The following MAPK10 variants were observed in gnomAD, a reference collection of about 807,000 sequenced individuals.
The protein encoded by MAPK10 is mitogen-activated protein kinase 10, also known as JNK3 alpha protein kinase.
In MAPK10, 25 loss-of-function variants were observed where a neutral mutation model predicts 59.3. The observed-to-expected ratio is 0.42, with a 90% CI of 0.31 to 0.59. The LOEUF (loss-of-function observed/expected upper bound fraction) is 0.59. Among genes scored for constraint, MAPK10 ranks in the 20% least tolerant of loss-of-function variants. The pLI is 0.15. For synonymous variants in MAPK10, 190 were observed against 200.5 expected (o/e 0.95, Z 0.44); for missense variants, 351 against 568.9 (o/e 0.62, Z 3.90).
chr4:86,444,648 T>C (rs2149049925), intron 1 of MAPK10, among the ~76,000 whole-genome samples: 1 of 151,600 alleles, frequency 6.6e-6, no homozygotes, highest in Non-Finnish European at 1.5e-5. Flanking sequence ...CAGAGTGGGA[T>C]AAATATTTTG....
chr4:86,571,825 T>C (rs1457816892), intron 1 of MAPK10, among the ~76,000 whole-genome samples: 1 of 152,154 alleles, frequency 6.6e-6, no homozygotes, highest in Non-Finnish European at 1.5e-5. Flanking sequence ...CTACATTATG[T>C]AACGAGCCCC....
At chr4:86,157,112 T>G (rs2068024798) in intron 4 of MAPK10, among the ~76,000 whole-genome samples, 1 of 152,082 alleles carries the variant, frequency 6.6e-6, no homozygotes, top group South Asian at 2.1e-4. Flanking sequence ...GAAGATATTT[T>G]AGTATTACCT....
chr4:86,016,024 A>G lies in MAPK10; in HGVS notation c.*1204T>C, dbSNP rs1442216330. On this transcript the variant is annotated 3_prime_UTR_variant, in exon 14 of 14. Coordinates refer to ENST00000641462, the MANE Select transcript of MAPK10 (RefSeq NM_138982.4). ...ACTTTGGCAGAGTATGAATCAGGGA[A>G]GCAGCCCACACATGGAAAACACAAT... is the stretch of plus-strand genomic sequence containing the variant. The G allele has an allele frequency of 6.6e-6, 1 of 152,242 alleles. No individual in the cohort carries two copies. Among genetic ancestry groups the G allele is most frequent in the African/African-American group, 2.4e-5 (1 of 41,460 alleles). 9.4% of individuals were successfully genotyped at this position (152,242 alleles called of 1,614,324 possible).
At chr4:86,317,916 G>A (rs1046574788) in intron 2 of MAPK10, among the ~76,000 whole-genome samples, 1 of 152,154 alleles carries the variant, frequency 6.6e-6, no homozygotes, top group African/African-American at 2.4e-5. Context: ...GAGGAGCCTC[G>A]TTTCTTGCTT....
intron 1 of MAPK10, among the ~76,000 whole-genome samples, chr4:86,475,639 G>A (rs865972511): frequency 2.8e-4 from 42 of 152,246 alleles, no homozygotes; most frequent in Non-Finnish European, 5.7e-4. Context: ...AGAGGTGTCT[G>A]ACCACATGGG....
Position 86,471,778 on chromosome 4 carries a change from CT to C in MAPK10, c.-262-117135del, listed in dbSNP as rs200450940. The stretch of plus-strand genomic sequence containing the variant: ...ACTATAATGCATCTGCTATGTTTTC[CT>C]TTTTTTTCAACAAAGAGAAACCCAG... On this transcript the variant is annotated intron_variant, in intron 1 of 4. Coordinates refer to the MAPK10 transcript ENST00000502302. 4.7e-4 allele frequency among the ~76,000 whole-genome samples: 72 copies of C among 151,742 alleles called. 1 individual carries two copies. Among genetic ancestry groups the C allele is most frequent in the South Asian group, 4.4e-3 (21 of 4,792 alleles).
At chr4:86,183,017 C>A (rs10516769) in intron 3 of MAPK10, among the ~76,000 whole-genome samples, 22,746 of 152,000 alleles carry the variant, frequency 0.15, 1,778 homozygotes, top group African/African-American at 0.2. Flanking sequence ...TACACAAAGA[C>A]TTTCTGTATT....
chr4:86,122,211 T>A (rs2059379661), intron 4 of MAPK10, among the ~76,000 whole-genome samples: 1 of 152,134 alleles, frequency 6.6e-6, no homozygotes, highest in South Asian at 2.1e-4. Flanking sequence ...AGCATTGTCA[T>A]GGTAGAAAAA....
At chr4:86,427,438 C>T (rs1747447903) in intron 1 of MAPK10, among the ~76,000 whole-genome samples, 1 of 152,004 alleles carries the variant, frequency 6.6e-6, no homozygotes. Context: ...ATTGAAACCC[C>T]ACTCATATCT....
intron 2 of MAPK10, among the ~76,000 whole-genome samples, chr4:86,228,995 C>A (rs74402640): frequency 6.6e-6 from 1 of 152,136 alleles, no homozygotes; most frequent in Non-Finnish European, 1.5e-5. Context: ...CTAAATGTAT[C>A]GTCTTTCAGA....
chr4:86,127,221 A>T (rs907547915), intron 4 of MAPK10, among the ~76,000 whole-genome samples: 1 of 132,912 alleles, frequency 7.5e-6, no homozygotes, highest in African/African-American at 2.8e-5. Context: ...AAAAAAAAAA[A>T]GCATCCTACT....
intron 1 of MAPK10, among the ~76,000 whole-genome samples, chr4:86,374,112 A>C (rs1578964558): frequency 6.6e-6 from 1 of 152,322 alleles, no homozygotes; most frequent in East Asian, 1.9e-4. Context: ...TTGCAGGGAC[A>C]TGGATGAAGC....
intron 4 of MAPK10, among the ~76,000 whole-genome samples, chr4:86,121,393 C>T (rs1474893757): frequency 6.6e-6 from 1 of 152,040 alleles, no homozygotes; most frequent in Non-Finnish European, 1.5e-5. Context: ...GAGGGCAAAT[C>T]CTCATGACCT....
intron 2 of MAPK10, among the ~76,000 whole-genome samples, chr4:86,308,165 C>T (rs2095604166): frequency 6.6e-6 from 1 of 152,044 alleles, no homozygotes; most frequent in South Asian, 2.1e-4. Context: ...GGTTATTGAA[C>T]ACATTAAATT....
intron 2 of MAPK10, among the ~76,000 whole-genome samples, chr4:86,215,925 C>A (rs1253281236): frequency 1.3e-5 from 2 of 151,728 alleles, no homozygotes; most frequent in African/African-American, 2.4e-5. Flanking sequence ...GCTATTATTT[C>A]AAAAAAAATT....
At chr4:86,201,895 T>C (rs2082703586) in intron 2 of MAPK10, among the ~76,000 whole-genome samples, 1 of 151,822 alleles carries the variant, frequency 6.6e-6, no homozygotes, top group Non-Finnish European at 1.5e-5. Flanking sequence ...CAAATAATAT[T>C]CTGCTTCACA....
intron 4 of MAPK10, among the ~76,000 whole-genome samples, chr4:86,153,898 C>T (rs950244343): frequency 6.6e-6 from 1 of 151,902 alleles, no homozygotes; most frequent in Non-Finnish European, 1.5e-5. Flanking sequence ...AAGGAGGTTG[C>T]GATTAAGGGT....
intron 1 of MAPK10, among the ~76,000 whole-genome samples, chr4:86,530,787 A>G (rs138144131): frequency 0.012 from 1,765 of 152,306 alleles, 23 homozygotes; most frequent in Non-Finnish European, 0.018. Flanking sequence ...GTTTCAATAA[A>G]TGAATTTGGG....
intron 1 of MAPK10, among the ~76,000 whole-genome samples, chr4:86,536,227 A>G (rs935250103): frequency 6.6e-6 from 1 of 152,234 alleles, no homozygotes; most frequent in Admixed American, 6.5e-5. Context: ...CATAATACTT[A>G]TAACAGTAAA....
Sources: gnomAD v4.1 joint callset for allele counts (sites outside exome capture counted in the v4.1 genomes callset) on GRCh38, gnomAD v4.1.1 for gene constraint, MANE v1.5 for transcripts, NCBI Gene and HGNC (gene_info 2026-07-23, HGNC 2026-07-21) for gene names.